IQSEC1: variants seen among roughly 807,000 people sequenced by gnomAD.
The protein encoded by IQSEC1 is IQ motif and SEC7 domain-containing protein 1.
A neutral mutation model predicts 91.0 loss-of-function variants in IQSEC1; 31 were observed. The ratio of observed to expected loss-of-function variants is 0.34; its 90% CI spans 0.26 to 0.46. IQSEC1 has a LOEUF of 0.46. IQSEC1 is among the 20% of genes least tolerant of loss of function. The pLI is 1.00. For synonymous variants in IQSEC1, 699 were observed against 662.6 expected, an observed-to-expected ratio of 1.05 and a Z score of -0.84; for missense variants, 1,388 against 1,575.6, an observed-to-expected ratio of 0.88 and a Z score of 2.02.
intron 1 of IQSEC1, among the ~76,000 whole-genome samples, chr3:13,172,015 G>A (rs898580520): frequency 3.3e-5 from 5 of 152,200 alleles, no homozygotes; most frequent in African/African-American, 1.2e-4. Context: ...GCTCAGTGCA[G>A]AGCGGTGAGT....
At chr3:12,990,719 C>T (rs1031546817) in intron 1 of IQSEC1, among the ~76,000 whole-genome samples, 4 of 152,124 alleles carry the variant, frequency 2.6e-5, no homozygotes, top group Non-Finnish European at 4.4e-5. Context: ...CTGGGGCAAC[C>T]GAGCAACGCT....
At chr3:12,957,157 C>A (rs1469263985) in intron 1 of IQSEC1, among the ~76,000 whole-genome samples, 3 of 152,178 alleles carry the variant, frequency 2.0e-5, no homozygotes, top group Non-Finnish European at 2.9e-5. Context: ...TTTATGCTTC[C>A]AAAGGCCTCC....
At chr3:13,044,399 T>C (rs1576208755) in intron 1 of IQSEC1, among the ~76,000 whole-genome samples, 1 of 152,196 alleles carries the variant, frequency 6.6e-6, no homozygotes, top group African/African-American at 2.4e-5. Context: ...GGAGACCCTG[T>C]CTGTAGTCAC....
rs1700833648 is a variant in IQSEC1 at position 12,970,383 on chromosome 3, AT to A, written c.24-28519del. Among the ~76,000 whole-genome samples the A allele has an allele frequency of 6.6e-6, 1 of 152,150 alleles. No homozygotes were observed. The highest frequency in any genetic ancestry group is 6.5e-5 in the Admixed American group (1 of 15,274). ...ACGTTTAGTTCCACTGTATCACCCC[AT>A]GTTTTAGTCCTGAGCTGCTTGCCTT... is the stretch of plus-strand genomic sequence containing the variant. On this transcript the variant is annotated intron_variant, in intron 1 of 13. Coordinates refer to ENST00000613206, the MANE Select transcript of IQSEC1 (RefSeq NM_001134382.3). The surrounding 1 kb of genome is among the most constrained non-coding windows in gnomAD (Gnocchi z 4.4).
At chr3:13,262,448 T>A (rs1257389542) in intron 1 of IQSEC1, among the ~76,000 whole-genome samples, 1 of 152,164 alleles carries the variant, frequency 6.6e-6, no homozygotes, top group Non-Finnish European at 1.5e-5. Context: ...CACAGTTTCC[T>A]GGTCTATAAA....
intron 1 of IQSEC1, among the ~76,000 whole-genome samples, chr3:13,268,642 AAAT>A (rs574336890): frequency 7.2e-5 from 11 of 152,250 alleles, no homozygotes; most frequent in Non-Finnish European, 1.2e-4. Flanking sequence ...GGAGGAAATT[AAAT>A]AATAAGTGCA....
intron 1 of IQSEC1, among the ~76,000 whole-genome samples, chr3:13,260,665 TC>T (rs1695366349): frequency 1.3e-5 from 2 of 152,136 alleles, no homozygotes; most frequent in Admixed American, 1.3e-4. Flanking sequence ...CAACTCCAGC[TC>T]TGTGCCAGAC....
intron 2 of IQSEC1, among the ~76,000 whole-genome samples, chr3:13,148,200 G>A (rs1314759646): frequency 6.6e-6 from 1 of 152,072 alleles, no homozygotes; most frequent in Admixed American, 6.5e-5. Context: ...CATCTGTACT[G>A]GGGTGCTGAT....
chr3:13,127,034 C>A (rs759062667), intron 2 of IQSEC1, among the ~76,000 whole-genome samples: 3 of 152,162 alleles, frequency 2.0e-5, no homozygotes, highest in Non-Finnish European at 2.9e-5. Context: ...GCTTCAGAAT[C>A]ATTGTTTGAA....
At chr3:12,988,919 G>T (rs1450741786) in intron 1 of IQSEC1, among the ~76,000 whole-genome samples, 1 of 152,184 alleles carries the variant, frequency 6.6e-6, no homozygotes, top group Non-Finnish European at 1.5e-5. Flanking sequence ...GGCTCATCTT[G>T]CTCTCTTATG....
chr3:13,208,804 C>T (rs1435207119), intron 1 of IQSEC1, among the ~76,000 whole-genome samples: 1 of 152,240 alleles, frequency 6.6e-6, no homozygotes, highest in African/African-American at 2.4e-5. Flanking sequence ...CGCACTCACT[C>T]CACCCTGGAG....
In IQSEC1 at chr3:12,909,448, G is replaced by A. The variant is rs762976556; in HGVS notation, c.2417-14C>T. On this transcript the variant is annotated splice_polypyrimidine_tract_variant and intron_variant, in intron 10 of 13. Coordinates refer to ENST00000613206, the MANE Select transcript of IQSEC1 (RefSeq NM_001134382.3). The surrounding 1 kb of genome is among the most constrained non-coding windows in gnomAD (Gnocchi z 4.9). ...CATTGGGGTAGTCTGCAAAAGGGAA[G>A]GAGAGGGGAGGAGGCCCACGGGTCT... The A allele has an allele frequency of 5.0e-6, 8 of 1,610,814 alleles. No individual in the cohort carries two copies. The African/African-American group carries it at 6.7e-5, about 13-fold the overall frequency.
intron 1 of IQSEC1, among the ~76,000 whole-genome samples, chr3:13,175,844 G>T (rs1297244993): frequency 6.6e-6 from 1 of 152,144 alleles, no homozygotes; most frequent in African/African-American, 2.4e-5. Context: ...TCACCTCTCG[G>T]GTCCTTTATA....
chr3:13,001,038 C>T (rs1702400061), intron 1 of IQSEC1, among the ~76,000 whole-genome samples: 1 of 150,730 alleles, frequency 6.6e-6, no homozygotes, highest in African/African-American at 2.5e-5. Flanking sequence ...GCAACCTCTA[C>T]CTCCTGGGTT....
At chr3:13,100,386 C>T (rs1445858976) in intron 2 of IQSEC1, among the ~76,000 whole-genome samples, 1 of 148,750 alleles carries the variant, frequency 6.7e-6, no homozygotes, top group African/African-American at 2.5e-5. Flanking sequence ...AATGTTCATC[C>T]TCAAGTGCCT....
intron 1 of IQSEC1, among the ~76,000 whole-genome samples, chr3:12,963,930 G>A (rs145797680): frequency 1.8e-4 from 27 of 152,356 alleles, no homozygotes; most frequent in Admixed American, 4.6e-4. Flanking sequence ...GTGTGCACTT[G>A]TTAACACCTG....
chr3:13,167,937 C>G (rs1693529606), intron 1 of IQSEC1, among the ~76,000 whole-genome samples: 1 of 152,212 alleles, frequency 6.6e-6, no homozygotes, highest in Non-Finnish European at 1.5e-5. Context: ...TGGGCATGAG[C>G]AGCAGGGTGG....
chr3:13,173,430 C>T (rs1693656710), intron 1 of IQSEC1, among the ~76,000 whole-genome samples: 1 of 152,246 alleles, frequency 6.6e-6, no homozygotes, highest in African/African-American at 2.4e-5. Context: ...TGCACCAGCC[C>T]TGTCTGGTCA....
intron 1 of IQSEC1, among the ~76,000 whole-genome samples, chr3:13,030,785 A>G (rs907002551): frequency 6.6e-6 from 1 of 152,264 alleles, no homozygotes; most frequent in African/African-American, 2.4e-5. Flanking sequence ...AGAGCTGAAC[A>G]TGAAAAACAG....
Sources: gnomAD v4.1 joint callset for allele counts (sites outside exome capture counted in the v4.1 genomes callset) on GRCh38, gnomAD v4.1.1 for gene constraint, Gnocchi (gnomAD v3.1) non-coding constraint, MANE v1.5 for transcripts, NCBI Gene and HGNC (gene_info 2026-07-23, HGNC 2026-07-21) for gene names.